RAB27B: variants seen among roughly 807,000 people sequenced by gnomAD.
RAB27B encodes ras-related protein Rab-27B.
RAB27B carries 15 observed loss-of-function variants against 24.6 expected under a neutral mutation model. The observed-to-expected ratio is 0.61, with a 90% CI of 0.41 to 0.94. The LOEUF (loss-of-function observed/expected upper bound fraction) is 0.94, where lower values mean the gene tolerates loss of function less well. Ranked by LOEUF, RAB27B falls within the 40% of genes least tolerant of loss-of-function variation. The pLI is 0.00. For missense variants in RAB27B, 261 were observed against 266.8 expected, an observed-to-expected ratio of 0.98 and a Z score of 0.15; for synonymous variants, 105 against 92.5, an observed-to-expected ratio of 1.14 and a Z score of -0.78.
At chr18:54,873,713 G>T (rs1598983148) in intron 1 of RAB27B, among the ~76,000 whole-genome samples, 1 of 151,106 alleles carries the variant, frequency 6.6e-6, no homozygotes, top group Admixed American at 6.6e-5. Context: ...GTGTGTGTGT[G>T]TGTGTGTGTG....
In RAB27B at chr18:54,884,375, C is replaced by A. The variant is rs371804081; in HGVS notation, c.282C>A (p.Gly94=). 1 of 1,612,782 alleles carries A rather than the reference C, an allele frequency of 6.2e-7. No individual in the cohort carries two copies. Among genetic ancestry groups the A allele is most frequent in the African/African-American group, 1.3e-5 (1 of 74,840 alleles). ...CTGCATTTTTCAGAGACGCCATGGGCTTCTTATTAATGTTTGACCTCACCA... is the reference window on the plus strand; with the variant it reads ...CTGCATTTTTCAGAGACGCCATGGGATTCTTATTAATGTTTGACCTCACCA... ...LTTAFFRDAM[G]FLLMFDLTSQ... Residue 94 remains glycine (G), a synonymous_variant, in exon 4 of 6, where the codon GGC becomes GGA. Transcript: ENST00000262094.
At chr18:54,762,822 G>A (rs551400794) in intron 2 of RAB27B, among the ~76,000 whole-genome samples, 26 of 152,002 alleles carry the variant, frequency 1.7e-4, no homozygotes, top group Admixed American at 1.2e-3. Context: ...TCCTCCATTC[G>A]CATATTACAG....
At chr18:54,747,664 T>C (rs1449553604) in intron 2 of RAB27B, among the ~76,000 whole-genome samples, 1 of 152,198 alleles carries the variant, frequency 6.6e-6, no homozygotes, top group Non-Finnish European at 1.5e-5. Context: ...TAAATTCTTT[T>C]GCTTCTCATA....
chr18:54,800,192 T>A (rs1909556367), intron 2 of RAB27B, among the ~76,000 whole-genome samples: 1 of 152,230 alleles, frequency 6.6e-6, no homozygotes. Context: ...CACCACACTG[T>A]GTGGTTGTTA....
In RAB27B at chr18:54,780,096, AG is replaced by A. The variant is rs573635006; in HGVS notation, c.-20+61956del. Reference sequence around the variant, plus strand: ...TCACCGCGTCTCCGCCCGTCCTGACAGCTTCCCCATCACCCTGTCTTCCCTC... The same window carrying A: ...TCACCGCGTCTCCGCCCGTCCTGACACTTCCCCATCACCCTGTCTTCCCTC... On this transcript the variant is annotated intron_variant, in intron 2 of 4. Transcript: ENST00000586570. Among the ~76,000 whole-genome samples, 14 of 106,540 alleles carry A rather than the reference AG, an allele frequency of 1.3e-4. No individual in the cohort carries two copies. In the East Asian group the frequency reaches 4.5e-3, roughly 34 times the overall value. The allele number at this position is 106,540 out of a possible 152,430, so 69.9% of individuals were successfully genotyped here.
intron 1 of RAB27B, among the ~76,000 whole-genome samples, chr18:54,834,258 C>A (rs559876467): frequency 1.3e-5 from 2 of 152,234 alleles, no homozygotes; most frequent in Admixed American, 6.5e-5. Flanking sequence ...TCAAGGATAC[C>A]AAGACCCACT....
intron 2 of RAB27B, among the ~76,000 whole-genome samples, chr18:54,725,548 T>A (rs185737221): frequency 6.6e-6 from 1 of 151,572 alleles, no homozygotes; most frequent in Non-Finnish European, 1.5e-5. Context: ...CAAGACTGGG[T>A]AATTTATAAA....
chr18:54,846,765 C>T (rs1199178496), intron 1 of RAB27B, among the ~76,000 whole-genome samples: 1 of 152,142 alleles, frequency 6.6e-6, no homozygotes, highest in Non-Finnish European at 1.5e-5. Context: ...CTAAGAGTAA[C>T]TTTATGCCAC....
chr18:54,881,741 A>C (rs1159358969), intron 3 of RAB27B, among the ~76,000 whole-genome samples: 1 of 152,182 alleles, frequency 6.6e-6, no homozygotes, highest in African/African-American at 2.4e-5. Context: ...GGGGGATATC[A>C]AAGATACTGG....
intron 1 of RAB27B, among the ~76,000 whole-genome samples, chr18:54,839,655 A>C (rs1198485937): frequency 1.3e-5 from 2 of 152,210 alleles, no homozygotes; most frequent in Non-Finnish European, 2.9e-5. Context: ...CTGATGTACT[A>C]TCTAGCACCC....
At chr18:54,872,124 G>T (rs1912494044) in intron 1 of RAB27B, among the ~76,000 whole-genome samples, 1 of 152,090 alleles carries the variant, frequency 6.6e-6, no homozygotes, top group South Asian at 2.1e-4. Flanking sequence ...ATGTTAGATG[G>T]CAAATGGATG....
intron 2 of RAB27B, among the ~76,000 whole-genome samples, chr18:54,736,765 G>C (rs934813091): frequency 2.6e-5 from 4 of 152,090 alleles, no homozygotes; most frequent in African/African-American, 9.7e-5. Context: ...GGAATTTCAG[G>C]AAGGAGATAT....
At chr18:54,761,746 C>A (rs1908195641) in intron 2 of RAB27B, among the ~76,000 whole-genome samples, 1 of 152,172 alleles carries the variant, frequency 6.6e-6, no homozygotes, top group Non-Finnish European at 1.5e-5. Flanking sequence ...AAAATAGAAG[C>A]ACTTGTGTGT....
At chr18:54,751,253 G>A (rs1440899451) in intron 2 of RAB27B, among the ~76,000 whole-genome samples, 1 of 152,078 alleles carries the variant, frequency 6.6e-6, no homozygotes, top group Admixed American at 6.6e-5. Flanking sequence ...AAGGAGGTGA[G>A]GTCTACAGCA....
At chr18:54,809,238 A>G (rs11152003) in intron 2 of RAB27B, among the ~76,000 whole-genome samples, 34,661 of 152,084 alleles carry the variant, frequency 0.23, 4,208 homozygotes, top group East Asian at 0.4. Context: ...GAACAGTGGT[A>G]CGTGACTACA....
chr18:54,806,604 A>G (rs1909798123), intron 2 of RAB27B, among the ~76,000 whole-genome samples: 2 of 149,880 alleles, frequency 1.3e-5, no homozygotes, highest in Admixed American at 6.7e-5. Flanking sequence ...AGTGACTTAG[A>G]ATGTTTATGT....
chr18:54,863,623 G>A (rs932096483), intron 1 of RAB27B, among the ~76,000 whole-genome samples: 5 of 151,972 alleles, frequency 3.3e-5, no homozygotes, highest in East Asian at 3.9e-4. Flanking sequence ...TCCAGAACAC[G>A]TTCACCCTTC....
chr18:54,830,748 T>C (rs1366306776), intron 1 of RAB27B, among the ~76,000 whole-genome samples: 1 of 152,176 alleles, frequency 6.6e-6, no homozygotes, highest in Non-Finnish European at 1.5e-5. Flanking sequence ...ACTCAATTTC[T>C]TTCACACCCT....
At chr18:54,793,086 A>C (rs751656384) in intron 2 of RAB27B, among the ~76,000 whole-genome samples, 1 of 112,012 alleles carries the variant, frequency 8.9e-6, no homozygotes, top group East Asian at 3.0e-4. Flanking sequence ...TAGTATAAGC[A>C]TCAACTGTAG....
Sources: allele counts gnomAD v4.1 joint callset (sites outside exome capture counted in the v4.1 genomes callset), GRCh38; gene constraint gnomAD v4.1.1; transcripts MANE v1.5; gene names NCBI Gene and HGNC (gene_info 2026-07-23, HGNC 2026-07-21).